EPS15: variants seen among roughly 807,000 people sequenced by gnomAD.
EPS15 encodes the protein epidermal growth factor receptor substrate 15.
In EPS15, 72 loss-of-function variants were observed where a neutral mutation model predicts 113.8. The observed-to-expected ratio is 0.63, with a 90% confidence interval of 0.52 to 0.77. The LOEUF is 0.77. EPS15 is among the 30% of genes least tolerant of loss of function. The pLI, the probability that EPS15 is intolerant of heterozygous loss-of-function variation, is 0.00. For missense variants in EPS15, 1,048 were observed against 1,045.8 expected, an observed-to-expected ratio of 1.00 and a Z score of -0.03; for synonymous variants, 344 against 363.4, an observed-to-expected ratio of 0.95 and a Z score of 0.61.
At chr1:51,468,119 C>A (rs538131030) in intron 5 of EPS15, among the ~76,000 whole-genome samples, 1 of 152,004 alleles carries the variant, frequency 6.6e-6, no homozygotes, top group African/African-American at 2.4e-5. Context: ...CCAACACACT[C>A]GGCTAAATTT....
chr1:51,389,538 T>G (rs1370311846), intron 21 of EPS15, among the ~76,000 whole-genome samples: 1 of 152,230 alleles, frequency 6.6e-6, no homozygotes, highest in Non-Finnish European at 1.5e-5. Flanking sequence ...TGTCCCTGTT[T>G]GCAGATGACA....
At chr1:51,459,710 C>T (rs1399564668) in intron 8 of EPS15, among the ~76,000 whole-genome samples, 1 of 151,792 alleles carries the variant, frequency 6.6e-6, no homozygotes, top group Non-Finnish European at 1.5e-5. Flanking sequence ...TGAAAGTATA[C>T]ATCAAAGTAA....
intron 1 of EPS15, among the ~76,000 whole-genome samples, chr1:51,513,165 C>T (rs1644657110): frequency 6.6e-6 from 1 of 152,104 alleles, no homozygotes; most frequent in South Asian, 2.1e-4. Flanking sequence ...TAAAAGTATC[C>T]TCTGGCCCAA....
chr1:51,503,565 C>T (rs1244334876), intron 1 of EPS15, among the ~76,000 whole-genome samples: 1 of 152,086 alleles, frequency 6.6e-6, no homozygotes, highest in Admixed American at 6.6e-5. Flanking sequence ...TCGCTTGAAC[C>T]CAGGAGGCAG....
rs370741287 is a variant in EPS15, at chr1:51,364,046, T to C, written c.2197-18A>G. The stretch of plus-strand genomic sequence containing the variant: ...TTGTTGACCTTTGTTTAAAAAGAAA[T>C]GGTTATACATGGCTATACCAAGCAA... On this transcript the variant is annotated intron_variant, in intron 22 of 24. Transcript: ENST00000371733. 2.0e-5 allele frequency: 32 copies of C among 1,598,268 alleles called. No individual in the cohort carries two copies. Among genetic ancestry groups the C allele is most frequent in the Non-Finnish European group, 3.4e-6 (4 of 1,171,298 alleles).
intron 8 of EPS15, chr1:51,458,417 T>C (rs1654176786): frequency 3.4e-6 from 1 of 297,636 alleles, no homozygotes; most frequent in Non-Finnish European, 6.8e-6. Flanking sequence ...ATGATGACAC[T>C]ACTATTCCCC....
intron 1 of EPS15, among the ~76,000 whole-genome samples, chr1:51,497,268 A>G (rs1644340355): frequency 6.6e-6 from 1 of 152,170 alleles, no homozygotes; most frequent in Non-Finnish European, 1.5e-5. Context: ...CTAACCAGTC[A>G]GCTAGCAAAT....
intron 1 of EPS15, among the ~76,000 whole-genome samples, chr1:51,488,971 T>C (rs1461008511): frequency 6.6e-6 from 1 of 152,060 alleles, no homozygotes; most frequent in African/African-American, 2.4e-5. Flanking sequence ...GAAGCTATCT[T>C]GGATTGCGAC....
chr1:51,513,793 T>C (rs935475329), intron 1 of EPS15, among the ~76,000 whole-genome samples: 11 of 152,208 alleles, frequency 7.2e-5, no homozygotes, highest in Non-Finnish European at 1.2e-4. Context: ...TCTAACTGAA[T>C]TGTCCAAATC....
Position 51,519,223 on chromosome 1 carries a change from C to T in EPS15, c.9G>A (p.Ala3=). MA[A]AAQLSLTQLS... is the part of the protein sequence containing the mutation. The stretch of plus-strand genomic sequence containing the variant: ...CCTGTGTCAGAGAGAGCTGGGCCGC[C>T]GCAGCCATGGTGTTTCCATCATGCA... Residue 3 remains alanine (A), a synonymous_variant, in exon 1 of 25, where the codon GCG becomes GCA. Coordinates refer to ENST00000371733, the MANE Select transcript of EPS15 (RefSeq NM_001981.3). 1 of 1,382,416 alleles carries T rather than the reference C, an allele frequency of 7.2e-7. No individual in the cohort carries two copies. The highest frequency in any genetic ancestry group is 9.5e-7 in the Non-Finnish European group (1 of 1,052,802). The allele number at this position is 1,382,416 out of a possible 1,614,324, so 85.6% of individuals were successfully genotyped here.
intron 22 of EPS15, among the ~76,000 whole-genome samples, chr1:51,364,462 TG>T (rs913918255): frequency 6.6e-6 from 1 of 151,904 alleles, no homozygotes; most frequent in African/African-American, 2.4e-5. Context: ...GCAAGGAAAA[TG>T]GCATCTTGAC....
chr1:51,388,033 C>T (rs1393242613), intron 21 of EPS15, among the ~76,000 whole-genome samples: 2 of 152,202 alleles, frequency 1.3e-5, no homozygotes, highest in African/African-American at 2.4e-5. Flanking sequence ...TTCAGCACCA[C>T]ACCACACCTA....
chr1:51,417,694 C>T (rs537050025), intron 13 of EPS15, among the ~76,000 whole-genome samples: 24 of 152,228 alleles, frequency 1.6e-4, no homozygotes, highest in Admixed American at 3.3e-4. Context: ...TTAAGACAAG[C>T]GGTGGGATAT....
intron 21 of EPS15, among the ~76,000 whole-genome samples, chr1:51,379,671 C>T (rs1646890947): frequency 6.6e-6 from 1 of 151,898 alleles, no homozygotes; most frequent in Admixed American, 6.5e-5. Flanking sequence ...AATCCCAGCA[C>T]TTTCGGAGGC....
chr1:51,367,595 C>T (rs1646536285), intron 21 of EPS15, among the ~76,000 whole-genome samples: 1 of 151,968 alleles, frequency 6.6e-6, no homozygotes, highest in African/African-American at 2.4e-5. Flanking sequence ...GTTTCACAGG[C>T]CTGAGAAGTT....
intron 21 of EPS15, among the ~76,000 whole-genome samples, chr1:51,383,225 C>T (rs1448994513): frequency 6.6e-6 from 1 of 152,216 alleles, no homozygotes; most frequent in African/African-American, 2.4e-5. Context: ...AGAAGGAAAA[C>T]TACCTCAACT....
intron 15 of EPS15, among the ~76,000 whole-genome samples, 165 bp downstream of exon 15, chr1:51,407,970 T>C (rs957957514): frequency 6.6e-6 from 1 of 152,238 alleles, no homozygotes; most frequent in Admixed American, 6.5e-5. Context: ...AGATGTATGA[T>C]AGTTTCAATA....
chr1:51,484,022 G>A (rs1473828221), intron 1 of EPS15, among the ~76,000 whole-genome samples: 9 of 152,078 alleles, frequency 5.9e-5, no homozygotes. Context: ...GAGGCAGGAG[G>A]ATTGGTTGAG....
intron 23 of EPS15, among the ~76,000 whole-genome samples, chr1:51,363,190 C>T (rs1180529499): frequency 2.7e-5 from 4 of 150,464 alleles, no homozygotes; most frequent in Admixed American, 2.0e-4. Flanking sequence ...CCCAACTACT[C>T]GGGAGGCTGA....
Sources: allele counts gnomAD v4.1 joint callset (sites outside exome capture counted in the v4.1 genomes callset), GRCh38; gene constraint gnomAD v4.1.1; transcripts MANE v1.5; gene names NCBI Gene and HGNC (gene_info 2026-07-23, HGNC 2026-07-21).